NOTCH2: variants seen among roughly 807,000 people sequenced by gnomAD.
The protein encoded by NOTCH2 is neurogenic locus notch homolog protein 2.
In NOTCH2, 29 loss-of-function variants were observed where a neutral mutation model predicts 235.8. That is an observed-to-expected ratio of 0.12 (90% CI 0.09 to 0.17). The LOEUF (loss-of-function observed/expected upper bound fraction) is 0.17, where lower values mean the gene tolerates loss of function less well. Ranked by LOEUF, NOTCH2 falls within the 10% of genes least tolerant of loss-of-function variation. The pLI, the probability that NOTCH2 is intolerant of heterozygous loss-of-function variation, is 1.00. For missense variants in NOTCH2, 2,285 were observed against 3,150.2 expected, an observed-to-expected ratio of 0.73 and a Z score of 6.57; for synonymous variants, 1,086 against 1,141.5, an observed-to-expected ratio of 0.95 and a Z score of 0.98.
At position 119,950,816 on chromosome 1, in the gene NOTCH2, A is replaced by G. The variant is rs1650443226; in HGVS notation, c.2387T>C (p.Ile796Thr). 6.2e-7 allele frequency: 1 copy of G among 1,613,408 alleles called. No homozygotes were observed. The highest frequency in any genetic ancestry group is 1.7e-5 in the Admixed American group (1 of 60,012). Residue 796 changes from isoleucine (I) to threonine (T), a missense_variant, in exon 15 of 34, where the codon ATT (isoleucine) becomes ACT (threonine). Transcript: ENST00000256646. Reference protein sequence around the residue: ...GFKGYNCQVNIDECASNPCLN... With the variant: ...GFKGYNCQVNTDECASNPCLN... ...GCATGGATTTGAGGCACATTCATCA[A>G]TATTCACCTGGCAGTTATAGCCTGT...
At chr1:120,024,747 C>T (rs12565384) in intron 2 of NOTCH2, among the ~76,000 whole-genome samples, 1 of 152,248 alleles carries the variant, frequency 6.6e-6, no homozygotes, top group Non-Finnish European at 1.5e-5. Context: ...ATACAACTCA[C>T]AGTGACTTTC....
chr1:120,000,759 T>C (rs1271562218), intron 3 of NOTCH2, among the ~76,000 whole-genome samples: 2 of 151,322 alleles, frequency 1.3e-5, no homozygotes, highest in Admixed American at 6.6e-5. Flanking sequence ...AAACTGACAA[T>C]CAGGAAGAAA....
intron 2 of NOTCH2, among the ~76,000 whole-genome samples, chr1:120,009,583 G>T (rs1241107951): frequency 6.6e-6 from 1 of 151,976 alleles, no homozygotes; most frequent in Non-Finnish European, 1.5e-5. Context: ...TTATCCCTCC[G>T]CAACAAAACT....
At chr1:120,025,869 T>G (rs1467661469) in intron 2 of NOTCH2, among the ~76,000 whole-genome samples, 6 of 104,908 alleles carry the variant, frequency 5.7e-5, no homozygotes, top group Non-Finnish European at 9.0e-5. Flanking sequence ...TGGTTTATAT[T>G]TGAAAGTCTG....
At chr1:120,033,765 T>C (rs1458091555) in intron 1 of NOTCH2, among the ~76,000 whole-genome samples, 5 of 152,062 alleles carry the variant, frequency 3.3e-5, no homozygotes, top group African/African-American at 9.7e-5. Flanking sequence ...GTATTGTACA[T>C]TTCAAAATTG....
intron 5 of NOTCH2, among the ~76,000 whole-genome samples, chr1:119,979,226 G>A (rs1248810736): frequency 1.3e-5 from 2 of 152,128 alleles, no homozygotes; most frequent in Non-Finnish European, 2.9e-5. Flanking sequence ...AACAAAAAAT[G>A]AACAGATTAA....
chr1:119,933,096 A>G (rs1166096644), intron 22 of NOTCH2, among the ~76,000 whole-genome samples: 1 of 152,180 alleles, frequency 6.6e-6, no homozygotes, highest in Non-Finnish European at 1.5e-5. Context: ...AGGGATTGCT[A>G]GTAAAATGAG....
intron 3 of NOTCH2, among the ~76,000 whole-genome samples, chr1:120,001,791 A>T (rs1425674810): frequency 6.6e-6 from 1 of 152,170 alleles, no homozygotes; most frequent in East Asian, 1.9e-4. Context: ...TCCACACAGC[A>T]TTGCCTCTAA....
intron 10 of NOTCH2, among the ~76,000 whole-genome samples, chr1:119,964,791 A>T (rs1553199459): frequency 6.6e-6 from 1 of 152,216 alleles, no homozygotes; most frequent in African/African-American, 2.4e-5. Flanking sequence ...CTTTCTGTAT[A>T]ATATTTGCCT....
In NOTCH2 at chr1:119,935,489, C is replaced by T. The variant is rs2101182393; in HGVS notation, c.3638G>A (p.Cys1213Tyr). The change falls in exon 22 of 34, where the codon TGC becomes TAC. Residue 1213 changes from cysteine (C) to tyrosine (Y), a missense_variant. This residue lies in a region of NOTCH2 where 1,173 missense variants were observed against 1,515.3 expected (regional missense o/e 0.77). Coordinates refer to ENST00000256646, the MANE Select transcript of NOTCH2 (RefSeq NM_024408.4). ...IDLVNHFKCSCPPGTRGLLCE... is the reference protein window; with the variant it reads ...IDLVNHFKCSYPPGTRGLLCE... ...TTTCATACCCCGAGTGCCTGGTGGGCAAGAGCACTTGAAATGGTTCACAAG... is the reference window on the plus strand; with the variant it reads ...TTTCATACCCCGAGTGCCTGGTGGGTAAGAGCACTTGAAATGGTTCACAAG... 6.2e-7 allele frequency: 1 copy of T among 1,614,188 alleles called. No individual in the cohort carries two copies. Among genetic ancestry groups the T allele is most frequent in the Non-Finnish European group, 8.5e-7 (1 of 1,180,028 alleles).
At chr1:119,934,686 A>G (rs1649784985) in intron 22 of NOTCH2, among the ~76,000 whole-genome samples, 1 of 152,190 alleles carries the variant, frequency 6.6e-6, no homozygotes, top group South Asian at 2.1e-4. Context: ...GGCAATACAA[A>G]TACTTCTCTG....
At chr1:119,996,346 T>C (rs1190208253) in intron 4 of NOTCH2, 9 of 388,710 alleles carry the variant, frequency 2.3e-5, no homozygotes, top group Non-Finnish European at 3.4e-5. Context: ...GTGCCACGCA[T>C]AGTCTCTCAT....
rs149580724 is a variant in NOTCH2, at chr1:119,915,920, A to T, written c.6802T>A (p.Phe2268Ile). The T allele has an allele frequency of 6.2e-7, 1 of 1,614,130 alleles. No homozygotes were observed. The highest frequency in any genetic ancestry group is 8.5e-7 in the Non-Finnish European group (1 of 1,180,026). Reference sequence around the variant, plus strand: ...TCAGCTGGAGCCAGGACCATACCAAACATCTCATTGTACTGGGTCTCATTC... The same window carrying T: ...TCAGCTGGAGCCAGGACCATACCAATCATCTCATTGTACTGGGTCTCATTC... ...EVNETQYNEM[F>I]GMVLAPAEGT... is the part of the protein sequence containing the mutation. The change falls in exon 34 of 34, where the codon TTT (phenylalanine) becomes ATT (isoleucine). Residue 2268 changes from phenylalanine (F) to isoleucine (I), a missense_variant. Physicochemically the swap from Phe to Ile is conservative, Grantham distance 21 (BLOSUM62 0). Transcript: ENST00000256646.
chr1:120,039,362 T>G (rs1654451386), intron 1 of NOTCH2, among the ~76,000 whole-genome samples: 1 of 152,158 alleles, frequency 6.6e-6, no homozygotes, highest in East Asian at 1.9e-4. Context: ...AGACAAATTT[T>G]GCCTGTCACC....
chr1:119,925,911 T>C lies in NOTCH2; in HGVS notation c.4006-101A>G, dbSNP rs970189344. The C allele has an allele frequency of 4.4e-6, 6 of 1,366,744 alleles. No homozygotes were observed. In the African/African-American group the frequency reaches 8.6e-5, roughly 20 times the overall value. The allele number at this position is 1,366,744 out of a possible 1,614,324, so 84.7% of individuals were successfully genotyped here. ...AACCTCCACATCTCACTCCCTTCTGTACTTCCCGTTCAGCCCAAGCCAAGG... is the reference window on the plus strand; with the variant it reads ...AACCTCCACATCTCACTCCCTTCTGCACTTCCCGTTCAGCCCAAGCCAAGG... On this transcript the variant is annotated intron_variant, in intron 24 of 33. Coordinates refer to ENST00000256646, the MANE Select transcript of NOTCH2 (RefSeq NM_024408.4).
intron 2 of NOTCH2, among the ~76,000 whole-genome samples, chr1:120,029,184 G>GA (rs1416374252): frequency 6.8e-6 from 1 of 147,504 alleles, no homozygotes; most frequent in African/African-American, 2.5e-5. Context: ...TTTTACACTA[G>GA]AAAAAAATAT....
chr1:119,935,205 C>A, intron 22 of NOTCH2: 1 of 1,326,186 alleles, frequency 7.5e-7, no homozygotes, highest in Non-Finnish European at 9.7e-7. Context: ...TAATGTTATG[C>A]TAATGTTGTA....
rs587685383 is a variant in NOTCH2, at chr1:119,986,851, T to C, written c.874+109A>G. On this transcript the variant is annotated intron_variant, in intron 5 of 33. Coordinates refer to ENST00000256646, the MANE Select transcript of NOTCH2 (RefSeq NM_024408.4). ...TGGAGATCCTGCTCAGTTCACATAC[T>C]GGTTCCAGAGCAGGCCTAAGATATT... The C allele has an allele frequency of 2.6e-5, 37 of 1,403,114 alleles. 2 individuals are homozygous for C. In the South Asian group the frequency reaches 4.0e-4, roughly 15 times the overall value. 86.9% of individuals were successfully genotyped at this position (1,403,114 alleles called of 1,614,324 possible). A position where few individuals can be genotyped will look rare whatever the true frequency, so the allele number is the denominator to read the frequency against.
chr1:120,003,090 C>T (rs1266205900), intron 3 of NOTCH2, among the ~76,000 whole-genome samples: 1 of 152,056 alleles, frequency 6.6e-6, no homozygotes, highest in Admixed American at 6.5e-5. Flanking sequence ...CTGGGGAAGG[C>T]AGACCCACCC....
Sources: allele counts gnomAD v4.1 joint callset (sites outside exome capture counted in the v4.1 genomes callset), GRCh38; gene constraint gnomAD v4.1.1; regional missense constraint gnomAD v4.1.1; transcripts MANE v1.5; gene names NCBI Gene and HGNC (gene_info 2026-07-23, HGNC 2026-07-21).